The following SOX6 variants were observed in gnomAD, a reference collection of about 807,000 sequenced individuals.
The protein encoded by SOX6 is transcription factor SOX-6.
SOX6 carries 11 observed loss-of-function variants against 97.8 expected under a neutral mutation model. The ratio of observed to expected loss-of-function variants is 0.11; its 90% CI spans 0.07 to 0.19. SOX6 has a LOEUF of 0.19. Among genes scored for constraint, SOX6 ranks in the 10% least tolerant of loss-of-function variants. SOX6 has a pLI of 1.00. For missense variants in SOX6, 810 were observed against 1,039.5 expected (o/e 0.78, Z 3.04); for synonymous variants, 360 against 371.4 (o/e 0.97, Z 0.35).
At chr11:16,155,251 A>G (rs1167804122) in intron 6 of SOX6, among the ~76,000 whole-genome samples, 1 of 152,078 alleles carries the variant, frequency 6.6e-6, no homozygotes, top group East Asian at 1.9e-4. Context: ...AGTGGTTAAG[A>G]GCACACATCC....
At chr11:16,551,567 C>T (rs1847686676) in intron 4 of SOX6, among the ~76,000 whole-genome samples, 1 of 152,044 alleles carries the variant, frequency 6.6e-6, no homozygotes, top group South Asian at 2.1e-4. Flanking sequence ...TGGAGTTAAA[C>T]TTCAGGCAGT....
chr11:16,006,485 C>T (rs896549857), intron 13 of SOX6, among the ~76,000 whole-genome samples: 7 of 152,028 alleles, frequency 4.6e-5, no homozygotes, highest in Non-Finnish European at 8.8e-5. Flanking sequence ...ATGAAAAAGA[C>T]GATTCTTCCC....
At chr11:16,374,899 C>T (rs979379485) in intron 1 of SOX6, among the ~76,000 whole-genome samples, 1 of 151,950 alleles carries the variant, frequency 6.6e-6, no homozygotes, top group Admixed American at 6.6e-5. Flanking sequence ...AACTTCTCTC[C>T]ACGATCATTT....
At chr11:16,350,800 C>T (rs1298973510) in intron 1 of SOX6, among the ~76,000 whole-genome samples, 1 of 152,046 alleles carries the variant, frequency 6.6e-6, no homozygotes. Flanking sequence ...TTCATGAGGA[C>T]AGGGATCATC....
chr11:16,632,413 C>A (rs943844018), intron 3 of SOX6, among the ~76,000 whole-genome samples: 2 of 152,142 alleles, frequency 1.3e-5, no homozygotes, highest in Non-Finnish European at 2.9e-5. Flanking sequence ...TAACAGTCAG[C>A]TTTTAGCTTG....
At chr11:16,569,791 C>T (rs1181237707) in intron 4 of SOX6, among the ~76,000 whole-genome samples, 4 of 145,728 alleles carry the variant, frequency 2.7e-5, no homozygotes, top group Admixed American at 7.1e-5. Context: ...ATGGTGTGAA[C>T]CCGGGAGGTG....
At chr11:16,503,112 A>T (rs1860733500) in intron 4 of SOX6, among the ~76,000 whole-genome samples, 1 of 152,178 alleles carries the variant, frequency 6.6e-6, no homozygotes, top group Non-Finnish European at 1.5e-5. Flanking sequence ...TACCCAGCAA[A>T]GTTATCCTTC....
chr11:16,471,338 T>C (rs1860139220), intron 1 of SOX6, among the ~76,000 whole-genome samples: 1 of 152,170 alleles, frequency 6.6e-6, no homozygotes, highest in African/African-American at 2.4e-5. Context: ...GTTTTCCTCT[T>C]CCGGCCTAGG....
chr11:16,653,347 A>T (rs1847680707), intron 3 of SOX6, among the ~76,000 whole-genome samples: 1 of 152,206 alleles, frequency 6.6e-6, no homozygotes, highest in Non-Finnish European at 1.5e-5. Flanking sequence ...TTGCTATTGT[A>T]AAAATATGAA....
intron 3 of SOX6, among the ~76,000 whole-genome samples, chr11:16,656,362 C>A (rs1047231400): frequency 1.3e-5 from 2 of 152,126 alleles, no homozygotes; most frequent in African/African-American, 4.8e-5. Context: ...AGGCATGAGC[C>A]ACCGTGCCAG....
chr11:16,355,062 CTGTT>C (rs2134365651), intron 1 of SOX6, among the ~76,000 whole-genome samples: 1 of 152,130 alleles, frequency 6.6e-6, no homozygotes, highest in African/African-American at 2.4e-5. Context: ...GCTAGACTAA[CTGTT>C]TGGTATTCTG....
At chr11:16,217,450 G>A (rs892485494) in intron 4 of SOX6, among the ~76,000 whole-genome samples, 10 of 151,994 alleles carry the variant, frequency 6.6e-5, no homozygotes, top group Non-Finnish European at 1.2e-4. Flanking sequence ...TTATAATATG[G>A]TCAGAGGTAT....
chr11:16,302,020 C>T (rs892712715), intron 3 of SOX6, among the ~76,000 whole-genome samples: 13 of 152,110 alleles, frequency 8.5e-5, no homozygotes, highest in Non-Finnish European at 4.4e-5. Flanking sequence ...ACCTCACACT[C>T]CACTCCTAAT....
chr11:16,058,881 A>G (rs1847880441), intron 9 of SOX6, among the ~76,000 whole-genome samples: 1 of 152,092 alleles, frequency 6.6e-6, no homozygotes, highest in Non-Finnish European at 1.5e-5. Context: ...GGAGGCAGGG[A>G]TGGTAGTTAC....
At chr11:16,191,870 T>G (rs1264872235) in intron 4 of SOX6, among the ~76,000 whole-genome samples, 1 of 151,404 alleles carries the variant, frequency 6.6e-6, no homozygotes, top group Non-Finnish European at 1.5e-5. Context: ...TTCTTTTTTT[T>G]TCTTTTTTTT....
chr11:16,706,912 C>G (rs570322690), intron 3 of SOX6, among the ~76,000 whole-genome samples: 1 of 151,952 alleles, frequency 6.6e-6, no homozygotes, highest in East Asian at 1.9e-4. Flanking sequence ...TCATTTCTTT[C>G]TCTATGTTAC....
intron 15 of SOX6, among the ~76,000 whole-genome samples, chr11:15,978,100 T>C (rs907663841): frequency 1.1e-4 from 17 of 152,038 alleles, no homozygotes; most frequent in Non-Finnish European, 1.0e-4. Flanking sequence ...GTCTCTCCTA[T>C]CTGAATCATT....
chr11:16,470,999 T>C (rs1235355045), intron 1 of SOX6, among the ~76,000 whole-genome samples: 1 of 152,012 alleles, frequency 6.6e-6, no homozygotes, highest in Non-Finnish European at 1.5e-5. Flanking sequence ...CAAGATAGAA[T>C]TTTTTAAAGG....
chr11:15,981,128 C>T (rs1427763611), intron 15 of SOX6, among the ~76,000 whole-genome samples: 1 of 152,044 alleles, frequency 6.6e-6, no homozygotes, highest in African/African-American at 2.4e-5. Context: ...TCCTAAAAAG[C>T]ATTTTTTCCT....
Sources: allele counts gnomAD v4.1 joint callset (sites outside exome capture counted in the v4.1 genomes callset), GRCh38; gene constraint gnomAD v4.1.1; transcripts MANE v1.5; gene names NCBI Gene and HGNC (gene_info 2026-07-23, HGNC 2026-07-21).